PLCXD2: variants seen among roughly 807,000 people sequenced by gnomAD.
PLCXD2 encodes phosphatidylinositol specific phospholipase C X domain containing 2, also known as PI-PLC X domain-containing protein 2.
A neutral mutation model predicts 28.6 loss-of-function variants in PLCXD2; 21 were observed. The ratio of observed to expected loss-of-function variants is 0.73; its 90% CI spans 0.52 to 1.06. PLCXD2 has a LOEUF of 1.06. Ranked by LOEUF, PLCXD2 falls within the 50% of genes least tolerant of loss-of-function variation. The pLI, the probability that PLCXD2 is intolerant of heterozygous loss-of-function variation, is 0.00. For synonymous variants in PLCXD2, 140 were observed against 150.1 expected (o/e 0.93, Z 0.49); for missense variants, 369 against 376.7 (o/e 0.98, Z 0.17).
In PLCXD2 at chr3:111,707,851, T is replaced by G. The variant is rs976093591; in HGVS notation, c.164-75T>G. ...TTGGTGCTTAATTTTTGTTTTGTTTTGTTTTCTCATCAATTGGCTTATTTT... is the reference window on the plus strand; with the variant it reads ...TTGGTGCTTAATTTTTGTTTTGTTTGGTTTTCTCATCAATTGGCTTATTTT... On this transcript the variant is annotated intron_variant, in intron 1 of 4. Coordinates refer to ENST00000477665, the MANE Select transcript of PLCXD2 (RefSeq NM_001185106.1). 7 of 1,365,512 alleles carry G rather than the reference T, an allele frequency of 5.1e-6. No individual in the cohort carries two copies. In the African/African-American group the frequency reaches 1.0e-4, roughly 20 times the overall value. The allele number at this position is 1,365,512 out of a possible 1,614,324, so 84.6% of individuals were successfully genotyped here. A position where few individuals can be genotyped will look rare whatever the true frequency, so the allele number is the denominator to read the frequency against.
chr3:111,688,085 T>G (rs1334191971), intron 1 of PLCXD2, among the ~76,000 whole-genome samples: 1 of 152,204 alleles, frequency 6.6e-6, no homozygotes, highest in East Asian at 1.9e-4. Context: ...TATTAATAGT[T>G]GCATGACCTT....
intron 1 of PLCXD2, among the ~76,000 whole-genome samples, chr3:111,698,255 A>G (rs536550379): frequency 5.4e-4 from 82 of 152,204 alleles, no homozygotes; most frequent in Non-Finnish European, 8.1e-4. Flanking sequence ...CAACAGACCA[A>G]TGAAGTTAGT....
chr3:111,679,467 T>G, intron 1 of PLCXD2, among the ~76,000 whole-genome samples: 1 of 152,236 alleles, frequency 6.6e-6, no homozygotes, highest in Non-Finnish European at 1.5e-5. Flanking sequence ...TATCTTATTT[T>G]CCTTTATAAT....
At chr3:111,693,352 G>A (rs1357218660) in intron 1 of PLCXD2, among the ~76,000 whole-genome samples, 4 of 152,148 alleles carry the variant, frequency 2.6e-5, no homozygotes, top group East Asian at 1.9e-4. Flanking sequence ...GAGCAGAGTC[G>A]GAACCTCTGA....
intron 1 of PLCXD2, among the ~76,000 whole-genome samples, chr3:111,699,422 T>C (rs1430011861): frequency 1.3e-5 from 2 of 152,204 alleles, no homozygotes; most frequent in Non-Finnish European, 2.9e-5. Flanking sequence ...AAGAAATGGG[T>C]AATGAAAGTG....
chr3:111,694,131 C>A (rs543626033), intron 1 of PLCXD2, among the ~76,000 whole-genome samples: 1 of 152,248 alleles, frequency 6.6e-6, no homozygotes, highest in Admixed American at 6.5e-5. Flanking sequence ...GCCCTGCAGC[C>A]CCCTCTGATC....
intron 1 of PLCXD2, among the ~76,000 whole-genome samples, chr3:111,705,826 C>T (rs569190635): frequency 2.2e-4 from 34 of 152,118 alleles, no homozygotes; most frequent in Admixed American, 2.0e-3. Context: ...CGTTTGTTTG[C>T]TTGAGACCAG....
chr3:111,705,607 A>T (rs1266856522), intron 1 of PLCXD2, among the ~76,000 whole-genome samples: 4 of 151,938 alleles, frequency 2.6e-5, no homozygotes, highest in African/African-American at 9.7e-5. Flanking sequence ...TAATGACTGT[A>T]CTACTTGACA....
At chr3:111,714,722 T>C (rs576189884) in intron 3 of PLCXD2, among the ~76,000 whole-genome samples, 1 of 152,338 alleles carries the variant, frequency 6.6e-6, no homozygotes, top group South Asian at 2.1e-4. Context: ...CAATGAATGA[T>C]AGATGTTCTC....
chr3:111,724,013 C>T (rs912025685), intron 3 of PLCXD2: 3 of 152,002 alleles, frequency 2.0e-5, no homozygotes, highest in African/African-American at 7.3e-5. Context: ...TCCCACACAG[C>T]CATATTTCCA....
chr3:111,724,774 T>G (rs1427890349), intron 3 of PLCXD2: 2 of 152,214 alleles, frequency 1.3e-5, no homozygotes, highest in African/African-American at 4.8e-5. Context: ...TACTGTTAGA[T>G]TCTAAGAAAC....
At chr3:111,679,572 A>G (rs1253259635) in intron 1 of PLCXD2, among the ~76,000 whole-genome samples, 1 of 152,208 alleles carries the variant, frequency 6.6e-6, no homozygotes, top group Non-Finnish European at 1.5e-5. Context: ...TGCTGGAAAC[A>G]TGGTTTGCAG....
intron 1 of PLCXD2, chr3:111,676,976 G>T (rs994991169): frequency 2.0e-5 from 3 of 152,252 alleles, no homozygotes; most frequent in Non-Finnish European, 2.9e-5. Context: ...AAAGGAGTTG[G>T]GCATTTGTTC....
intron 1 of PLCXD2, among the ~76,000 whole-genome samples, chr3:111,705,481 G>T (rs189797565): frequency 6.6e-6 from 1 of 152,172 alleles, no homozygotes; most frequent in East Asian, 1.9e-4. Context: ...GGGGGTGCAG[G>T]TATCCTTTTG....
intron 1 of PLCXD2, among the ~76,000 whole-genome samples, chr3:111,698,983 T>C (rs556261794): frequency 3.3e-5 from 5 of 152,322 alleles, no homozygotes; most frequent in Non-Finnish European, 5.9e-5. Flanking sequence ...AAGGCACAGA[T>C]ACACTGAATG....
chr3:111,704,322 A>G (rs1941086970), intron 1 of PLCXD2, among the ~76,000 whole-genome samples: 2 of 152,246 alleles, frequency 1.3e-5, no homozygotes, highest in Non-Finnish European at 2.9e-5. Flanking sequence ...TCACAGCAGT[A>G]ACCAAATTAG....
chr3:111,703,620 G>C (rs1941077625), intron 1 of PLCXD2, among the ~76,000 whole-genome samples: 1 of 152,230 alleles, frequency 6.6e-6, no homozygotes, highest in South Asian at 2.1e-4. Flanking sequence ...ATCCTGAACA[G>C]CTGGGCTGTT....
chr3:111,714,494 C>CT (rs976177785), intron 3 of PLCXD2, among the ~76,000 whole-genome samples: 1 of 152,208 alleles, frequency 6.6e-6, no homozygotes, highest in Non-Finnish European at 1.5e-5. Context: ...ATATAGGCTG[C>CT]TGTCCTAGGT....
At chr3:111,681,272 C>T (rs1393191193) in intron 1 of PLCXD2, among the ~76,000 whole-genome samples, 2 of 152,206 alleles carry the variant, frequency 1.3e-5, no homozygotes, top group African/African-American at 4.8e-5. Context: ...TAGTTATTTA[C>T]TCTGTCCTGT....
Sources: gnomAD v4.1 joint callset for allele counts (sites outside exome capture counted in the v4.1 genomes callset) on GRCh38, gnomAD v4.1.1 for gene constraint, MANE v1.5 for transcripts, NCBI Gene and HGNC (gene_info 2026-07-23, HGNC 2026-07-21) for gene names.